TFEB: variants seen among roughly 807,000 people sequenced by gnomAD.
TFEB encodes transcription factor EB.
In TFEB, 12 loss-of-function variants were observed where a neutral mutation model predicts 48.0. That is an observed-to-expected ratio of 0.25 (90% confidence interval 0.16 to 0.40). The LOEUF (loss-of-function observed/expected upper bound fraction) is 0.40. Among genes scored for constraint, TFEB ranks in the 10% least tolerant of loss-of-function variants. The probability of loss-of-function intolerance (pLI) is 1.00; values close to 1 mark genes in which losing one functional copy is unlikely to be tolerated. For missense variants in TFEB, 509 were observed against 640.3 expected (o/e 0.79, Z 2.21); for synonymous variants, 244 against 261.4 (o/e 0.93, Z 0.64).
chr6:41,732,846 A>T, intron 1 of TFEB: 1 of 985,788 alleles, frequency 1.0e-6, no homozygotes, highest in Non-Finnish European at 1.2e-6. Context: ...CCCAATTTCC[A>T]TGGTCATCTC....
At chr6:41,708,983 G>A (rs1157397312) in intron 1 of TFEB, among the ~76,000 whole-genome samples, 1 of 152,220 alleles carries the variant, frequency 6.6e-6, no homozygotes, top group Non-Finnish European at 1.5e-5. Context: ...AGAGTTGCAA[G>A]TTGCATGGAG....
chr6:41,697,376 C>G (rs1769647828), intron 1 of TFEB, among the ~76,000 whole-genome samples: 1 of 114,770 alleles, frequency 8.7e-6, no homozygotes, highest in Non-Finnish European at 1.7e-5. Context: ...CCATTGCACT[C>G]CAGCCTGGGC....
rs1432532860 is a variant in TFEB, at chr6:41,730,531, C to A, written c.-23+4819G>T. Among the ~76,000 whole-genome samples the A allele has an allele frequency of 6.6e-6, 1 of 152,154 alleles. No homozygotes were observed. Among genetic ancestry groups the A allele is most frequent in the African/African-American group, 2.4e-5 (1 of 41,418 alleles). ...GCTGGACAAAAGATGGGTGGCCAGA[C>A]CTCATTTTTCCTCCTTAAGCCCACA... On this transcript the variant is annotated intron_variant, in intron 1 of 8. Coordinates refer to ENST00000373033, the MANE Select transcript of TFEB (RefSeq NM_001271944.2). The surrounding 1 kb of genome is among the most constrained non-coding windows in gnomAD (Gnocchi z 4.1).
In TFEB at chr6:41,723,370, T is replaced by A; in HGVS notation, c.-23+11980A>T. ...ACGCATGCACATACACTCACACAGA[T>A]GCACACAGGCTAACACACATGGACA... On this transcript the variant is annotated intron_variant, in intron 1 of 8. Transcript: ENST00000373033. This position sits in a 1 kb window ranked among gnomAD's most constrained non-coding sequence, Gnocchi z 6.0. The A allele has an allele frequency of 1.2e-6, 1 of 816,856 alleles. No homozygotes were observed. Among genetic ancestry groups the A allele is most frequent in the Non-Finnish European group, 1.8e-6 (1 of 560,448 alleles). 50.6% of individuals were successfully genotyped at this position (816,856 alleles called of 1,614,324 possible).
chr6:41,701,392 AG>A (rs1423548123), intron 1 of TFEB, among the ~76,000 whole-genome samples: 1 of 152,202 alleles, frequency 6.6e-6, no homozygotes, highest in Non-Finnish European at 1.5e-5. Context: ...CTCAGCTACA[AG>A]GAAGTTTCAG....
intron 1 of TFEB, among the ~76,000 whole-genome samples, chr6:41,721,891 A>G (rs968105615): frequency 2.0e-5 from 3 of 152,104 alleles, no homozygotes; most frequent in African/African-American, 7.2e-5. Flanking sequence ...GTGGCCTTCA[A>G]CTGCTCTCTC....
rs1309416210 is a variant in TFEB at position 41,723,192 on chromosome 6, G to C, written c.-23+12158C>G. Among the ~76,000 whole-genome samples, 2 of 151,990 alleles carry C rather than the reference G, an allele frequency of 1.3e-5. No homozygotes were observed. The highest frequency in any genetic ancestry group is 2.9e-5 in the Non-Finnish European group (2 of 67,974). On this transcript the variant is annotated intron_variant, in intron 1 of 8. Coordinates refer to ENST00000373033, the MANE Select transcript of TFEB (RefSeq NM_001271944.2). The surrounding 1 kb of genome is among the most constrained non-coding windows in gnomAD (Gnocchi z 6.0). ...CCTGATTTCCCACGCTGTCCAACCT[G>C]CACTCCAGAGCTTGGCCACCTTCTT...
intron 1 of TFEB, among the ~76,000 whole-genome samples, chr6:41,716,843 G>T (rs1770756386): frequency 6.6e-6 from 1 of 152,172 alleles, no homozygotes; most frequent in African/African-American, 2.4e-5. Context: ...AACCCAGCCT[G>T]GCCTACCCCC....
At chr6:41,725,103 C>T (rs970985950) in intron 1 of TFEB, among the ~76,000 whole-genome samples, 1 of 152,174 alleles carries the variant, frequency 6.6e-6, no homozygotes, top group Non-Finnish European at 1.5e-5. Context: ...GGCTGAGGCT[C>T]AAATCACTTA....
Position 41,684,862 on chromosome 6 carries a change from G to C in TFEB, c.1168C>G (p.Pro390Ala). ...PLPLPTQPPS[P>A]FHHLDFSHSL... ...TGGCTGAAGTCCAGGTGATGGAATGGGGATGGTGGCTGGGTGGGCAGGGGC... is the reference window on the plus strand; with the variant it reads ...TGGCTGAAGTCCAGGTGATGGAATGCGGATGGTGGCTGGGTGGGCAGGGGC... The change falls in exon 9 of 9, where the codon CCA becomes GCA. Residue 390 changes from proline to alanine, a missense_variant. Transcript: ENST00000373033. 1 of 1,576,770 alleles carries C rather than the reference G, an allele frequency of 6.3e-7. No individual in the cohort carries two copies. The highest frequency in any genetic ancestry group is 1.8e-5 in the Admixed American group (1 of 56,326).
Position 41,732,920 on chromosome 6 carries a change from C to T in TFEB, c.-23+2430G>A. On this transcript the variant is annotated intron_variant, in intron 1 of 8. Transcript: ENST00000373033. ...CTCCATCCCCAGGACAAAGGCCCAA[C>T]CTGGTTTTCATGACAGCTGTGGTTG... The T allele has an allele frequency of 9.1e-6, 9 of 985,588 alleles. No homozygotes were observed. In the South Asian group the frequency reaches 4.2e-4, roughly 46 times the overall value. 61.1% of individuals were successfully genotyped at this position (985,588 alleles called of 1,614,324 possible).
At chr6:41,706,984 G>A (rs941791933) in intron 1 of TFEB, among the ~76,000 whole-genome samples, 5 of 152,138 alleles carry the variant, frequency 3.3e-5, no homozygotes, top group African/African-American at 1.2e-4. Context: ...GTCGGGGGAG[G>A]AGCATCGGGA....
intron 1 of TFEB, among the ~76,000 whole-genome samples, chr6:41,701,805 C>G (rs1222630584): frequency 6.6e-6 from 1 of 152,042 alleles, no homozygotes; most frequent in South Asian, 2.1e-4. Context: ...ATTAGCCAGG[C>G]GCGGTGGCAC....
intron 1 of TFEB, among the ~76,000 whole-genome samples, chr6:41,693,532 T>A (rs1002055471): frequency 2.0e-5 from 3 of 151,968 alleles, no homozygotes; most frequent in Admixed American, 6.5e-5. Flanking sequence ...GGAGGAAGCT[T>A]ATTGCAGGCT....
intron 1 of TFEB, among the ~76,000 whole-genome samples, chr6:41,704,911 G>C (rs919495054): frequency 6.6e-6 from 1 of 152,240 alleles, no homozygotes; most frequent in Non-Finnish European, 1.5e-5. Flanking sequence ...ACTGGGTGCT[G>C]GGGCTCTGGC....
intron 1 of TFEB, chr6:41,732,651 T>G (rs1449161669): frequency 1.0e-6 from 1 of 985,908 alleles, no homozygotes; most frequent in Non-Finnish European, 1.2e-6. Flanking sequence ...GTACTCACCA[T>G]GTACCAGGCA....
Position 41,691,689 on chromosome 6 carries a change from G to A in TFEB, c.-22-454C>T, listed in dbSNP as rs1370881550. Among the ~76,000 whole-genome samples the A allele has an allele frequency of 2.0e-5, 3 of 152,122 alleles. No individual in the cohort carries two copies. Among genetic ancestry groups the A allele is most frequent in the African/African-American group, 7.2e-5 (3 of 41,416 alleles). The stretch of plus-strand genomic sequence containing the variant: ...CCTAGGACGTTCTACTGGCAACTCA[G>A]TAGAGCAACTCATTTAACTCCTGTT... On this transcript the variant is annotated intron_variant, in intron 1 of 8. Coordinates refer to ENST00000373033, the MANE Select transcript of TFEB (RefSeq NM_001271944.2). This position sits in a 1 kb window ranked among gnomAD's most constrained non-coding sequence, Gnocchi z 5.2.
Position 41,735,502 on chromosome 6 carries a change from T to C in TFEB, c.-175A>G, listed in dbSNP as rs1409462748. 2.0e-6 allele frequency: 2 copies of C among 984,174 alleles called. No individual in the cohort carries two copies. Among genetic ancestry groups the C allele is most frequent in the East Asian group, 2.3e-4 (2 of 8,760 alleles). The allele number at this position is 984,174 out of a possible 1,614,324, so 61.0% of individuals were successfully genotyped here. On this transcript the variant is annotated 5_prime_UTR_variant, in exon 1 of 9. Transcript: ENST00000373033. ...CAGGGAGGCCCGCCCCGTCCGCCCT[T>C]CCCGCCGCCGTCGGCGCCGCGGCCG... is the stretch of plus-strand genomic sequence containing the variant.
chr6:41,731,810 C>T (rs1357894264), intron 1 of TFEB, among the ~76,000 whole-genome samples: 1 of 152,232 alleles, frequency 6.6e-6, no homozygotes, highest in Non-Finnish European at 1.5e-5. Flanking sequence ...CAAAGCCGGG[C>T]ACCTAGAAGG....
Sources: gnomAD v4.1 joint callset for allele counts (sites outside exome capture counted in the v4.1 genomes callset) on GRCh38, gnomAD v4.1.1 for gene constraint, Gnocchi (gnomAD v3.1) non-coding constraint, MANE v1.5 for transcripts, NCBI Gene and HGNC (gene_info 2026-07-23, HGNC 2026-07-21) for gene names.